Variants in FKRP observed in about 807,000 individuals in gnomAD.
The protein encoded by FKRP is ribitol 5-phosphate transferase FKRP.
Under a neutral mutation model 30.6 loss-of-function variants are expected in FKRP, and 25 were observed. The observed-to-expected ratio is 0.82, with a 90% confidence interval of 0.60 to 1.14. FKRP has a LOEUF of 1.14. Among genes scored for constraint, FKRP ranks in the 50% most tolerant of loss-of-function variants. FKRP has a pLI of 0.00. For missense variants in FKRP, 771 were observed against 727.8 expected (o/e 1.06, Z -0.68); for synonymous variants, 358 against 342.5 (o/e 1.05, Z -0.50).
In FKRP at chr19:46,755,819, C is replaced by T. The variant is rs1368825540; in HGVS notation, c.369C>T (p.Thr123=). ...CGCGCCCGGAGACCTACGTGGCCAC[C>T]GAGTTTGTGGCCCTAGTACCTGATG... is the stretch of plus-strand genomic sequence containing the variant. ...AASRPETYVA[T]EFVALVPDGA... is the part of the protein sequence containing the mutation. The change falls in exon 4 of 4, where the codon ACC becomes ACT. Residue 123 remains threonine, a synonymous_variant. Transcript: ENST00000318584. 1 of 1,510,836 alleles carries T rather than the reference C, an allele frequency of 6.6e-7. No individual in the cohort carries two copies. The highest frequency in any genetic ancestry group is 1.2e-5 in the South Asian group (1 of 80,472). 93.6% of individuals were successfully genotyped at this position (1,510,836 alleles called of 1,614,324 possible). A position where few individuals can be genotyped will look rare whatever the true frequency, so the allele number is the denominator to read the frequency against.
chr19:46,753,730 A>G (rs1294312568), intron 3 of FKRP: 2 of 152,198 alleles, frequency 1.3e-5, no homozygotes, highest in African/African-American at 2.4e-5. Context: ...GGGAGGTTGG[A>G]TGGGAATGTG....
At chr19:46,746,379 G>C in intron 1 of FKRP, 2 of 1,127,656 alleles carry the variant, frequency 1.8e-6, no homozygotes, top group Non-Finnish European at 2.2e-6. Flanking sequence ...CCGAGCGGAC[G>C]GCAGGAGGAG....
At chr19:46,755,347 A>G in intron 3 of FKRP, 65 bp from the exon 4 acceptor site, 2 of 1,033,360 alleles carry the variant, frequency 1.9e-6, no homozygotes, top group Non-Finnish European at 2.8e-6. Flanking sequence ...GGCAAGGCTG[A>G]GGGTGGCAGA....
At chr19:46,746,439 C>G in intron 1 of FKRP, 12 of 1,008,468 alleles carry the variant, frequency 1.2e-5, no homozygotes, top group South Asian at 4.6e-5. Context: ...ATGGAGGCCC[C>G]GGGGCCGGCC....
chr19:46,756,310 T>C lies in FKRP; in HGVS notation c.860T>C (p.Phe287Ser). The change falls in exon 4 of 4, where the codon TTC (phenylalanine) becomes TCC (serine). Residue 287 changes from phenylalanine (F) to serine (S), a missense_variant. Transcript: ENST00000318584. This position sits in a 1 kb window ranked among gnomAD's most constrained non-coding sequence, Gnocchi z 6.6. ...TGGGAAGGCGGGCGGCTGGAGTGGT[T>C]CGGCTGCAACAAGGAGACCACGCGC... ...VSWEGGRLEW[F>S]GCNKETTRCF... 1.3e-6 allele frequency: 2 copies of C among 1,548,050 alleles called. No homozygotes were observed. The highest frequency in any genetic ancestry group is 1.7e-6 in the Non-Finnish European group (2 of 1,151,594).
At chr19:46,752,994 C>G (rs1157410953) in intron 3 of FKRP, among the ~76,000 whole-genome samples, 1 of 151,598 alleles carries the variant, frequency 6.6e-6, no homozygotes, top group South Asian at 2.1e-4. Context: ...GGTGAAAACC[C>G]GTCTCTACTA....
At chr19:46,746,240 C>T (rs747010209) in intron 1 of FKRP, 150 bp downstream of exon 1, 2 of 1,511,646 alleles carry the variant, frequency 1.3e-6, no homozygotes, top group East Asian at 2.8e-5. Flanking sequence ...CCCCGGCAGG[C>T]TCAGGGGCTC....
At chr19:46,744,785 G>A (rs1398258237), upstream of FKRP, among the ~76,000 whole-genome samples, 5 of 151,724 alleles carry the variant, frequency 3.3e-5, no homozygotes, top group Admixed American at 3.3e-4. Context: ...CTACAAGCAG[G>A]TAATGACAAT....
Position 46,755,417 on chromosome 19 carries a change from C to T in FKRP, c.-34C>T, listed in dbSNP as rs3201779. The stretch of plus-strand genomic sequence containing the variant: ...CTTTCGTCCCCCTCCCCCAGGATGC[C>T]CCGGAGGCCCAGCTAGCCCCAGACT... On this transcript the variant is annotated 5_prime_UTR_variant, in exon 4 of 4. Transcript: ENST00000318584. 353,787 of 1,582,586 alleles carry T rather than the reference C, an allele frequency of 0.22. 43,016 individuals carry two copies. The highest frequency in any genetic ancestry group is 0.25 in the Middle Eastern group (1,426 of 5,676).
At position 46,756,537 on chromosome 19, in the gene FKRP, G is replaced by A. The variant is rs886043075; in HGVS notation, c.1087G>A (p.Val363Met). The A allele has an allele frequency of 1.2e-6, 2 of 1,602,520 alleles. No homozygotes were observed. The highest frequency in any genetic ancestry group is 1.7e-6 in the Non-Finnish European group (2 of 1,176,038). ...GGACATCATCCCATGGGACTACGAC[G>A]TGGACCTGGGCATCTACTTGGAGGA... ...HGDIIPWDYD[V>M]DLGIYLEDVG... The change falls in exon 4 of 4, where the codon GTG becomes ATG. Residue 363 changes from valine (V) to methionine (M), a missense_variant. By Grantham distance (21) the Val-to-Met change is conservative. Transcript: ENST00000318584. The surrounding 1 kb of genome is among the most constrained non-coding windows in gnomAD (Gnocchi z 6.6).
chr19:46,751,488 C>T (rs927714673), intron 3 of FKRP, among the ~76,000 whole-genome samples: 31 of 152,094 alleles, frequency 2.0e-4, no homozygotes, highest in African/African-American at 7.2e-4. Context: ...AAGCAATTCT[C>T]CTGCCTCAGC....
At chr19:46,746,718 C>T (rs957841803) in intron 1 of FKRP, 19 of 152,482 alleles carry the variant, frequency 1.2e-4, no homozygotes, top group African/African-American at 4.1e-4. Context: ...GAAGGGGCCG[C>T]TTTCTGCCCC....
chr19:46,755,342 G>A, intron 3 of FKRP, 70 bp from the exon 4 acceptor site: 1 of 1,006,144 alleles, frequency 9.9e-7, no homozygotes. Flanking sequence ...AAAGGGGCAA[G>A]GCTGAGGGTG....
In FKRP at chr19:46,755,525, G is replaced by C; in HGVS notation, c.75G>C (p.Ser25=). Reference sequence around the variant, plus strand: ...ACCTTCTGGTCCTCTTCTATGTCTCGTGGCTGCAGCACCAGCCTAGGAATT... The same window carrying C: ...ACCTTCTGGTCCTCTTCTATGTCTCCTGGCTGCAGCACCAGCCTAGGAATT... ...TLNLLVLFYV[S]WLQHQPRNSR... Residue 25 remains serine (S), a synonymous_variant, in exon 4 of 4, where the codon TCG becomes TCC. Coordinates refer to ENST00000318584, the MANE Select transcript of FKRP (RefSeq NM_024301.5). 1 of 1,610,006 alleles carries C rather than the reference G, an allele frequency of 6.2e-7. No individual in the cohort carries two copies. The highest frequency in any genetic ancestry group is 8.5e-7 in the Non-Finnish European group (1 of 1,178,562).
chr19:46,745,304 C>T (rs1164298275), upstream of FKRP, among the ~76,000 whole-genome samples: 1 of 152,158 alleles, frequency 6.6e-6, no homozygotes, highest in East Asian at 1.9e-4. Flanking sequence ...TAAGCTCTCC[C>T]ATCCAGGCTC....
At chr19:46,751,338 A>G (rs1443714809) in intron 3 of FKRP, among the ~76,000 whole-genome samples, 1 of 151,974 alleles carries the variant, frequency 6.6e-6, no homozygotes, top group East Asian at 1.9e-4. Context: ...TGCTGGAATT[A>G]CAGGTGTGAG....
At chr19:46,745,466 C>T (rs1220535421), upstream of FKRP, among the ~76,000 whole-genome samples, 1 of 152,140 alleles carries the variant, frequency 6.6e-6, no homozygotes, top group Non-Finnish European at 1.5e-5. Flanking sequence ...TCCTCCCACC[C>T]CTCGGGTCCT....
intron 3 of FKRP, among the ~76,000 whole-genome samples, 178 bp from the exon 4 acceptor site, chr19:46,755,234 T>C (rs1478594409): frequency 1.3e-5 from 2 of 150,062 alleles, no homozygotes; most frequent in East Asian, 3.9e-4. Context: ...AGTTGGTGCA[T>C]GGCCCAGACT....
chr19:46,746,255 C>T, intron 1 of FKRP, 165 bp downstream of exon 1: 1 of 1,496,614 alleles, frequency 6.7e-7, no homozygotes, highest in Non-Finnish European at 8.8e-7. Flanking sequence ...GGGCTCCGGG[C>T]CCGCCGTGGG....
Sources: allele counts gnomAD v4.1 joint callset (sites outside exome capture counted in the v4.1 genomes callset), GRCh38; gene constraint gnomAD v4.1.1; non-coding constraint Gnocchi (gnomAD v3.1); transcripts MANE v1.5; gene names NCBI Gene and HGNC (gene_info 2026-07-23, HGNC 2026-07-21).